FAM227B: variants seen among roughly 807,000 people sequenced by gnomAD.
FAM227B encodes protein FAM227B.
Under a neutral mutation model 73.8 loss-of-function variants are expected in FAM227B, and 88 were observed. The ratio of observed to expected loss-of-function variants is 1.19; its 90% confidence interval spans 1.00 to 1.42. The LOEUF is 1.42. Among genes scored for constraint, FAM227B ranks in the 40% most tolerant of loss-of-function variants. FAM227B has a pLI of 0.00. For synonymous variants in FAM227B, 210 were observed against 190.5 expected (o/e 1.10, Z -0.84); for missense variants, 632 against 590.9 (o/e 1.07, Z -0.72).
At chr15:49,361,699 A>G (rs2044268788) in intron 13 of FAM227B, among the ~76,000 whole-genome samples, 1 of 152,134 alleles carries the variant, frequency 6.6e-6, no homozygotes, top group African/African-American at 2.4e-5. Flanking sequence ...TAGTGTTGCA[A>G]TGAGCATACG....
chr15:49,401,298 G>C (rs1273742525), intron 11 of FAM227B, among the ~76,000 whole-genome samples: 1 of 152,264 alleles, frequency 6.6e-6, no homozygotes, highest in African/African-American at 2.4e-5. Context: ...AAACCACAAT[G>C]TGATACCATT....
intron 11 of FAM227B, among the ~76,000 whole-genome samples, chr15:49,469,079 T>C (rs1051346867): frequency 1.3e-5 from 2 of 152,206 alleles, no homozygotes; most frequent in Non-Finnish European, 2.9e-5. Flanking sequence ...AGGTAACTTA[T>C]ACAAGTTGTT....
chr15:49,525,210 G>A (rs1349815794), intron 10 of FAM227B, among the ~76,000 whole-genome samples: 1 of 152,098 alleles, frequency 6.6e-6, no homozygotes, highest in African/African-American at 2.4e-5. Flanking sequence ...CCAGTGGGAG[G>A]TAATTGAATC....
intron 13 of FAM227B, among the ~76,000 whole-genome samples, chr15:49,363,992 T>G (rs1567157043): frequency 6.6e-6 from 1 of 152,232 alleles, no homozygotes. Flanking sequence ...ATTTGCTTTT[T>G]GACATGCTGC....
chr15:49,568,179 A>G (rs1020656705), intron 9 of FAM227B, 66 bp downstream of exon 9: 1 of 1,365,390 alleles, frequency 7.3e-7, no homozygotes, highest in African/African-American at 1.5e-5. Context: ...TTTAAATAAA[A>G]TAACGATTTT....
intron 11 of FAM227B, among the ~76,000 whole-genome samples, chr15:49,489,883 T>TAG (rs35994302): frequency 0.01 from 233 of 22,932 alleles, 26 homozygotes; most frequent in Admixed American, 0.019. Context: ...TATATATATA[T>TAG]AGAGAGAGAG....
intron 3 of FAM227B, among the ~76,000 whole-genome samples, chr15:49,603,770 G>A (rs1005786763): frequency 1.3e-5 from 2 of 152,174 alleles, no homozygotes; most frequent in African/African-American, 2.4e-5. Context: ...TCTCCATTCA[G>A]TGTGTTACTA....
chr15:49,601,718 A>G lies in FAM227B; in HGVS notation c.105+9497T>C, dbSNP rs867063015. Reference sequence around the variant, plus strand: ...ACTACACTCACCTTATTGTGCTATCAATACTTGGTCTTACTCATTTTTTCT... The same window carrying G: ...ACTACACTCACCTTATTGTGCTATCGATACTTGGTCTTACTCATTTTTTCT... On this transcript the variant is annotated intron_variant, in intron 3 of 15. Coordinates refer to ENST00000299338, the MANE Select transcript of FAM227B (RefSeq NM_152647.3). 6.6e-5 allele frequency among the ~76,000 whole-genome samples: 10 copies of G among 152,226 alleles called. No individual in the cohort carries two copies. In the South Asian group the frequency reaches 8.3e-4, roughly 13 times the overall value.
At chr15:49,354,855 A>G (rs1280307520) in intron 13 of FAM227B, among the ~76,000 whole-genome samples, 1 of 151,964 alleles carries the variant, frequency 6.6e-6, no homozygotes, top group Non-Finnish European at 1.5e-5. Flanking sequence ...ACAGCTTTGA[A>G]GAGAGCAGTG....
intron 5 of FAM227B, among the ~76,000 whole-genome samples, chr15:49,587,245 C>T (rs1286641104): frequency 6.6e-6 from 1 of 152,130 alleles, no homozygotes; most frequent in Non-Finnish European, 1.5e-5. Flanking sequence ...AAAACAAATA[C>T]TGCATGTTCT....
chr15:49,370,189 C>A (rs1266888265), intron 12 of FAM227B, among the ~76,000 whole-genome samples: 5 of 152,196 alleles, frequency 3.3e-5, no homozygotes, highest in Admixed American at 3.3e-4. Flanking sequence ...GCAGTCCAAG[C>A]TGACTAGTAC....
chr15:49,401,854 G>T (rs2048176335), intron 11 of FAM227B, among the ~76,000 whole-genome samples: 1 of 116,940 alleles, frequency 8.6e-6, no homozygotes, highest in South Asian at 3.7e-4. Flanking sequence ...ACTGTTGTGG[G>T]GTGGGGGGAG....
chr15:49,497,264 A>T (rs961757871), intron 11 of FAM227B, among the ~76,000 whole-genome samples: 1 of 152,174 alleles, frequency 6.6e-6, no homozygotes, highest in Non-Finnish European at 1.5e-5. Context: ...AAAGCCTCCA[A>T]ACAAAAGCAT....
chr15:49,414,049 A>T (rs1242093229), intron 11 of FAM227B, among the ~76,000 whole-genome samples: 1 of 151,288 alleles, frequency 6.6e-6, no homozygotes, highest in Non-Finnish European at 1.5e-5. Context: ...TCTATTATCC[A>T]CCCCCTCCTC....
chr15:49,568,563 T>A (rs1217750280), intron 8 of FAM227B, among the ~76,000 whole-genome samples: 1 of 152,066 alleles, frequency 6.6e-6, no homozygotes, highest in Non-Finnish European at 1.5e-5. Context: ...GTTTCTCATC[T>A]GTCAAATGTA....
At chr15:49,421,076 C>A (rs2049588949) in intron 11 of FAM227B, among the ~76,000 whole-genome samples, 1 of 152,154 alleles carries the variant, frequency 6.6e-6, no homozygotes, top group Admixed American at 6.5e-5. Context: ...AAAAAAAAGA[C>A]AATAGTTCAA....
chr15:49,550,201 C>T (rs1279924725), intron 9 of FAM227B, among the ~76,000 whole-genome samples: 28 of 143,280 alleles, frequency 2.0e-4, no homozygotes, highest in Non-Finnish European at 2.9e-4. Context: ...GCTGGCCGGG[C>T]GGGGGGCTGA....
chr15:49,456,087 C>T (rs1181244456), intron 11 of FAM227B, among the ~76,000 whole-genome samples: 1 of 152,086 alleles, frequency 6.6e-6, no homozygotes, highest in Non-Finnish European at 1.5e-5. Flanking sequence ...ATAAGACATT[C>T]TAAAATGTTA....
intron 11 of FAM227B, among the ~76,000 whole-genome samples, chr15:49,470,835 A>G (rs1286248307): frequency 6.6e-6 from 1 of 152,248 alleles, no homozygotes; most frequent in Non-Finnish European, 1.5e-5. Context: ...GTAGAAATGC[A>G]GTGACAAGGG....
Sources: gnomAD v4.1 joint callset for allele counts (sites outside exome capture counted in the v4.1 genomes callset) on GRCh38, gnomAD v4.1.1 for gene constraint, MANE v1.5 for transcripts, NCBI Gene and HGNC (gene_info 2026-07-23, HGNC 2026-07-21) for gene names.